CACNB2: variants seen among roughly 807,000 people sequenced by gnomAD.
CACNB2 encodes the protein calcium voltage-gated channel auxiliary subunit beta 2.
A neutral mutation model predicts 73.3 loss-of-function variants in CACNB2; 42 were observed. The observed-to-expected ratio is 0.57, with a 90% CI of 0.45 to 0.74. The LOEUF is 0.74. Among genes scored for constraint, CACNB2 ranks in the 30% least tolerant of loss-of-function variants. The probability of loss-of-function intolerance (pLI) is 0.00; values close to 1 mark genes in which losing one functional copy is unlikely to be tolerated. For synonymous variants in CACNB2, 348 were observed against 310.3 expected (o/e 1.12, Z -1.28); for missense variants, 940 against 853.0 (o/e 1.10, Z -1.27).
intron 2 of CACNB2, among the ~76,000 whole-genome samples, chr10:18,290,686 T>C (rs888087086): frequency 6.6e-6 from 1 of 152,230 alleles, no homozygotes; most frequent in Non-Finnish European, 1.5e-5. Flanking sequence ...GCATATTCCC[T>C]CCAGCAGAAC....
chr10:18,277,742 T>C (rs2038361565), intron 2 of CACNB2, among the ~76,000 whole-genome samples: 2 of 152,252 alleles, frequency 1.3e-5, no homozygotes, highest in East Asian at 3.8e-4. Flanking sequence ...CACTATGTTA[T>C]TCTTGGGGGA....
chr10:18,369,407 C>T (rs1354094289), intron 2 of CACNB2, among the ~76,000 whole-genome samples: 1 of 152,084 alleles, frequency 6.6e-6, no homozygotes, highest in Admixed American at 6.6e-5. Context: ...CTTTTTAATG[C>T]ATTCACATCA....
chr10:18,157,139 T>G (rs1037293554), intron 2 of CACNB2, among the ~76,000 whole-genome samples: 3 of 152,036 alleles, frequency 2.0e-5, no homozygotes, highest in Non-Finnish European at 4.4e-5. Context: ...CAGACAAAAA[T>G]GTTACCTAGG....
rs144509796 is a variant in CACNB2, at chr10:18,518,933, G to A, written c.909G>A (p.Ala303=). 2.5e-5 allele frequency: 41 copies of A among 1,613,684 alleles called. No homozygotes were observed. Among genetic ancestry groups the A allele is most frequent in the Non-Finnish European group, 3.2e-5 (38 of 1,179,802 alleles). The change falls in exon 9 of 14, where the codon GCG becomes GCA. Residue 303 remains alanine (A), a synonymous_variant. Coordinates refer to ENST00000324631, the MANE Select transcript of CACNB2 (RefSeq NM_201596.3). ...AGGTCACAGATATGATGCAAAAAGC[G>A]CTGTTTGATTTTTTAAAACACAGAT... is the stretch of plus-strand genomic sequence containing the variant. ...GYEVTDMMQK[A]LFDFLKHRFE...
intron 7 of CACNB2, 22 bp downstream of exon 7, chr10:18,514,391 C>G (rs1291929674): frequency 1.2e-6 from 2 of 1,613,918 alleles, no homozygotes; most frequent in Non-Finnish European, 1.7e-6. Context: ...TTCCAAGCTC[C>G]CATTGTCCAC....
At chr10:18,153,983 C>T (rs1041912151) in intron 2 of CACNB2, among the ~76,000 whole-genome samples, 4 of 151,202 alleles carry the variant, frequency 2.6e-5, no homozygotes, top group Non-Finnish European at 5.9e-5. Context: ...ACACATATTG[C>T]GTACTTGTCT....
At chr10:18,442,986 G>GTATATATATATATATATGTA (rs369054241) in intron 3 of CACNB2, among the ~76,000 whole-genome samples, 2 of 19,246 alleles carry the variant, frequency 1.0e-4, no homozygotes, top group East Asian at 3.3e-3. Context: ...ATATATATAT[G>GTATATATATATATATATGTA]TATATATATA....
intron 3 of CACNB2, among the ~76,000 whole-genome samples, chr10:18,407,875 A>C (rs1330183985): frequency 6.6e-6 from 1 of 152,128 alleles, no homozygotes; most frequent in East Asian, 1.9e-4. Flanking sequence ...CTCTAAAGAT[A>C]CTAATTTTTT....
intron 6 of CACNB2, among the ~76,000 whole-genome samples, chr10:18,513,884 G>A (rs2051016706): frequency 1.3e-5 from 2 of 152,182 alleles, no homozygotes; most frequent in South Asian, 2.1e-4. Context: ...TTAAGATATT[G>A]TAATGAAGTC....
chr10:18,393,613 T>C (rs1365807246), intron 2 of CACNB2, among the ~76,000 whole-genome samples: 1 of 152,254 alleles, frequency 6.6e-6, no homozygotes, highest in Non-Finnish European at 1.5e-5. Flanking sequence ...CCTTTTGCAC[T>C]GAAAGAAGAC....
chr10:18,338,437 A>G (rs1023834279), intron 2 of CACNB2, among the ~76,000 whole-genome samples: 4 of 152,214 alleles, frequency 2.6e-5, no homozygotes, highest in Non-Finnish European at 5.9e-5. Flanking sequence ...GTGTGGAGAA[A>G]AGGGAACCCT....
intron 3 of CACNB2, among the ~76,000 whole-genome samples, chr10:18,470,754 A>G (rs957491868): frequency 1.3e-5 from 2 of 152,100 alleles, no homozygotes; most frequent in African/African-American, 4.8e-5. Flanking sequence ...CCTGGTAGGC[A>G]TTGAGATGTT....
In CACNB2 at chr10:18,170,219, C is replaced by T. The variant is rs199501270; in HGVS notation, c.213+19244C>T. Among the ~76,000 whole-genome samples, 804 of 152,314 alleles carry T rather than the reference C, an allele frequency of 5.3e-3. 5 individuals carry two copies. The highest frequency in any genetic ancestry group is 0.018 in the African/African-American group (755 of 41,578). Reference sequence around the variant, plus strand: ...CTAAGAATGAGGAGGGGTGTTCCTTCTCAGAGGGCTATTTCTGGAGGAGGA... The same window carrying T: ...CTAAGAATGAGGAGGGGTGTTCCTTTTCAGAGGGCTATTTCTGGAGGAGGA... On this transcript the variant is annotated intron_variant, in intron 2 of 13. Coordinates refer to ENST00000324631, the MANE Select transcript of CACNB2 (RefSeq NM_201596.3).
chr10:18,179,038 C>T (rs1308583072), intron 2 of CACNB2, among the ~76,000 whole-genome samples: 1 of 152,142 alleles, frequency 6.6e-6, no homozygotes, highest in African/African-American at 2.4e-5. Context: ...GTGAGATATT[C>T]ACATAAACAA....
chr10:18,500,987 T>C (rs1173549018), intron 5 of CACNB2, 39 bp downstream of exon 5: 1 of 1,586,936 alleles, frequency 6.3e-7, no homozygotes, highest in South Asian at 1.1e-5. Context: ...AAAACTTAGA[T>C]TATACCACTA....
intron 3 of CACNB2, among the ~76,000 whole-genome samples, chr10:18,430,692 G>A (rs2045848168): frequency 6.6e-6 from 1 of 152,176 alleles, no homozygotes; most frequent in Admixed American, 6.5e-5. Flanking sequence ...ACATAGGACT[G>A]GGTAGAAGGA....
rs562749133 is a variant in CACNB2, at chr10:18,301,937, G to A, written c.214-99987G>A. Among the ~76,000 whole-genome samples, 31 of 152,058 alleles carry A rather than the reference G, an allele frequency of 2.0e-4. No homozygotes were observed. In the South Asian group the frequency reaches 4.6e-3, roughly 22 times the overall value. Reference sequence around the variant, plus strand: ...GCTGGGATTACAGGCATGAGCCACCGCGCCCAGCCGCCTGTTTCTAATACA... The same window carrying A: ...GCTGGGATTACAGGCATGAGCCACCACGCCCAGCCGCCTGTTTCTAATACA... On this transcript the variant is annotated intron_variant, in intron 2 of 13. Coordinates refer to ENST00000324631, the MANE Select transcript of CACNB2 (RefSeq NM_201596.3).
chr10:18,338,232 A>G (rs1243630735), intron 2 of CACNB2, among the ~76,000 whole-genome samples: 1 of 152,260 alleles, frequency 6.6e-6, no homozygotes, highest in Non-Finnish European at 1.5e-5. Flanking sequence ...ACATAACCTG[A>G]TTTTAAAATG....
chr10:18,255,790 C>G (rs1244900803), intron 2 of CACNB2, among the ~76,000 whole-genome samples: 2 of 152,202 alleles, frequency 1.3e-5, no homozygotes, highest in African/African-American at 2.4e-5. Flanking sequence ...ACGGACCCTT[C>G]TTTCCTAAAA....
Sources: allele counts gnomAD v4.1 joint callset (sites outside exome capture counted in the v4.1 genomes callset), GRCh38; gene constraint gnomAD v4.1.1; transcripts MANE v1.5; gene names NCBI Gene and HGNC (gene_info 2026-07-23, HGNC 2026-07-21).